CPS1: variants seen among roughly 807,000 people sequenced by gnomAD.
The protein encoded by CPS1 is carbamoyl-phosphate synthase [ammonia], mitochondrial.
CPS1 carries 109 observed loss-of-function variants against 174.6 expected under a neutral mutation model. That is an observed-to-expected ratio of 0.62 (90% CI 0.53 to 0.73). The LOEUF is 0.73. Among genes scored for constraint, CPS1 ranks in the 30% least tolerant of loss-of-function variants. CPS1 has a pLI of 0.00. For synonymous variants in CPS1, 637 were observed against 632.0 expected, an observed-to-expected ratio of 1.01 and a Z score of -0.12; for missense variants, 1,689 against 1,821.9, an observed-to-expected ratio of 0.93 and a Z score of 1.33.
chr2:210,540,208 G>A (rs1173705536), intron 1 of CPS1, among the ~76,000 whole-genome samples: 4 of 152,186 alleles, frequency 2.6e-5, no homozygotes, highest in Non-Finnish European at 4.4e-5. Context: ...TGCAAATCCC[G>A]TTGCCTTGCC....
At chr2:210,639,119 A>G (rs200219527) in intron 22 of CPS1, 31 bp from the exon 23 acceptor site, 7 of 1,562,284 alleles carry the variant, frequency 4.5e-6, no homozygotes, top group Middle Eastern at 1.7e-4. Context: ...TAACATTCTT[A>G]TTTGTTTATT....
At chr2:210,543,809 C>T (rs868179472) in intron 1 of CPS1, among the ~76,000 whole-genome samples, 24 of 151,936 alleles carry the variant, frequency 1.6e-4, no homozygotes, top group African/African-American at 5.8e-4. Flanking sequence ...ATAAAAGATA[C>T]TCAACTTGTT....
chr2:210,613,704 G>A (rs34222197), intron 20 of CPS1, among the ~76,000 whole-genome samples: 15,520 of 151,870 alleles, frequency 0.1, 996 homozygotes, highest in East Asian at 0.26. Flanking sequence ...TCCCAGCTAA[G>A]CTGTAAAACT....
At chr2:210,674,608 C>T (rs1302878012) in intron 34 of CPS1, 13 of 413,782 alleles carry the variant, frequency 3.1e-5, no homozygotes, top group African/African-American at 6.0e-5. Flanking sequence ...CTTGTAGAAC[C>T]GAAGTGGATC....
At chr2:210,509,649 A>G (rs376658078) in intron 1 of CPS1, among the ~76,000 whole-genome samples, 2 of 152,296 alleles carry the variant, frequency 1.3e-5, no homozygotes, top group East Asian at 1.9e-4. Context: ...TCAGCCCAAA[A>G]TCTCCTTAAG....
Position 210,654,174 on chromosome 2 carries a change from T to C in CPS1, c.3558+72T>C, listed in dbSNP as rs149556409. Reference sequence around the variant, plus strand: ...TTTTTCTTTAACAATTTTGAAATATTGACAGGTTAGAATTCATAATATCTA... The same window carrying C: ...TTTTTCTTTAACAATTTTGAAATATCGACAGGTTAGAATTCATAATATCTA... On this transcript the variant is annotated intron_variant, in intron 29 of 37. Coordinates refer to ENST00000233072, the MANE Select transcript of CPS1 (RefSeq NM_001875.5). 2.4e-4 allele frequency: 324 copies of C among 1,348,224 alleles called. No homozygotes were observed. In the African/African-American group the frequency reaches 4.0e-3, roughly 17 times the overall value. The allele number at this position is 1,348,224 out of a possible 1,614,324, so 83.5% of individuals were successfully genotyped here. A position where few individuals can be genotyped will look rare whatever the true frequency, so the allele number is the denominator to read the frequency against.
At chr2:210,548,469 A>T (rs558110689) in intron 1 of CPS1, among the ~76,000 whole-genome samples, 1 of 152,090 alleles carries the variant, frequency 6.6e-6, no homozygotes, top group East Asian at 1.9e-4. Flanking sequence ...AATGATCTTG[A>T]TAGGGGCAAG....
At chr2:210,577,328 T>C in intron 3 of CPS1, 93 bp from the exon 4 acceptor site, 1 of 968,980 alleles carries the variant, frequency 1.0e-6, no homozygotes, top group South Asian at 1.3e-5. Flanking sequence ...TGTCAGTGGA[T>C]ATCATAAAAC....
intron 9 of CPS1, 142 bp downstream of exon 9, chr2:210,591,048 A>G: frequency 4.4e-6 from 1 of 226,818 alleles, no homozygotes; most frequent in Non-Finnish European, 8.2e-6. Context: ...ATAAAAATAA[A>G]TAAATAAATA....
chr2:210,629,516 C>T (rs1699798393), intron 21 of CPS1, among the ~76,000 whole-genome samples: 1 of 151,486 alleles, frequency 6.6e-6, no homozygotes, highest in South Asian at 2.1e-4. Context: ...GGGGTTTCAC[C>T]GTGTTAGCCA....
intron 28 of CPS1, among the ~76,000 whole-genome samples, chr2:210,653,036 A>G (rs1700605395): frequency 6.6e-6 from 1 of 152,230 alleles, no homozygotes; most frequent in African/African-American, 2.4e-5. Context: ...GATAGTGGTC[A>G]GAAGGAGTTT....
chr2:210,626,166 G>C (rs933215887), intron 21 of CPS1, among the ~76,000 whole-genome samples: 1 of 152,042 alleles, frequency 6.6e-6, no homozygotes, highest in African/African-American at 2.4e-5. Context: ...TGTGGCATAA[G>C]GTATAAGTCA....
At chr2:210,648,123 C>A in intron 26 of CPS1, 66 bp downstream of exon 26, 1 of 1,483,122 alleles carries the variant, frequency 6.7e-7, no homozygotes, top group Non-Finnish European at 9.4e-7. Flanking sequence ...TGAATGTTGA[C>A]TGAATGTTGA....
At chr2:210,670,092 T>G (rs889427877) in intron 34 of CPS1, among the ~76,000 whole-genome samples, 2 of 152,146 alleles carry the variant, frequency 1.3e-5, no homozygotes, top group African/African-American at 2.4e-5. Context: ...TAGTGAGAGC[T>G]GGCTATTGAA....
intron 1 of CPS1, among the ~76,000 whole-genome samples, chr2:210,517,173 C>G (rs533223708): frequency 2.7e-4 from 41 of 151,932 alleles, no homozygotes; most frequent in South Asian, 6.2e-4. Context: ...AAGTCCAAGA[C>G]AAACACATTG....
At chr2:210,534,752 CAATTT>C (rs1292211834) in intron 1 of CPS1, among the ~76,000 whole-genome samples, 1 of 152,162 alleles carries the variant, frequency 6.6e-6, no homozygotes, top group African/African-American at 2.4e-5. Context: ...TTTGCTGTTT[CAATTT>C]AATTTAGTCA....
intron 9 of CPS1, 45 bp downstream of exon 9, chr2:210,590,951 AC>A: frequency 6.8e-7 from 1 of 1,463,688 alleles, no homozygotes; most frequent in Non-Finnish European, 9.5e-7. Context: ...GCTCTGACAT[AC>A]TAACTAAATA....
At chr2:210,615,548 T>C (rs896735433) in intron 20 of CPS1, among the ~76,000 whole-genome samples, 6 of 152,014 alleles carry the variant, frequency 3.9e-5, no homozygotes, top group African/African-American at 1.4e-4. Flanking sequence ...TTCTAAAATA[T>C]GTTGTTCTGG....
At chr2:210,587,056 T>G (rs1234319128) in intron 6 of CPS1, among the ~76,000 whole-genome samples, 1 of 122,264 alleles carries the variant, frequency 8.2e-6, no homozygotes, top group East Asian at 2.4e-4. Flanking sequence ...CCCCCAGATC[T>G]TGAAAGGATT....
Sources: gnomAD v4.1 joint callset for allele counts (sites outside exome capture counted in the v4.1 genomes callset) on GRCh38, gnomAD v4.1.1 for gene constraint, MANE v1.5 for transcripts, NCBI Gene and HGNC (gene_info 2026-07-23, HGNC 2026-07-21) for gene names.